EML1: variants seen among roughly 807,000 people sequenced by gnomAD.
EML1 encodes the protein EMAP like 1.
A neutral mutation model predicts 110.4 loss-of-function variants in EML1; 27 were observed. The observed-to-expected ratio is 0.24, with a 90% CI of 0.18 to 0.34. EML1 has a LOEUF of 0.34. Among genes scored for constraint, EML1 ranks in the 10% least tolerant of loss-of-function variants. The probability of loss-of-function intolerance (pLI) is 1.00; values close to 1 mark genes in which losing one functional copy is unlikely to be tolerated. For missense variants in EML1, 741 were observed against 1,030.9 expected (o/e 0.72, Z 3.85); for synonymous variants, 344 against 385.8 (o/e 0.89, Z 1.27).
chr14:99,805,012 C>T (rs928986055), intron 1 of EML1, among the ~76,000 whole-genome samples: 3 of 152,142 alleles, frequency 2.0e-5, no homozygotes, highest in Admixed American at 6.5e-5. Flanking sequence ...ACATGCTGAG[C>T]GCCCTTGCCT....
In EML1 at chr14:99,827,861, C is replaced by T. The variant is rs953822455; in HGVS notation, c.68-22992C>T. Among the ~76,000 whole-genome samples, 5 of 152,098 alleles carry T rather than the reference C, an allele frequency of 3.3e-5. No individual in the cohort carries two copies. The highest frequency in any genetic ancestry group is 3.2e-3 in the Middle Eastern group (1 of 316). On this transcript the variant is annotated intron_variant, in intron 1 of 21. Transcript: ENST00000262233. This position sits in a 1 kb window ranked among gnomAD's most constrained non-coding sequence, Gnocchi z 4.4. ...CATGCCGCTGTAGAGTGTGCAGACCCGCAGGCATGGGTCCCGTGAGCACCC... is the reference window on the plus strand; with the variant it reads ...CATGCCGCTGTAGAGTGTGCAGACCTGCAGGCATGGGTCCCGTGAGCACCC...
chr14:99,899,119 G>A (rs1053804569), intron 8 of EML1, among the ~76,000 whole-genome samples: 3 of 152,094 alleles, frequency 2.0e-5, no homozygotes, highest in Non-Finnish European at 4.4e-5. Flanking sequence ...ATTTTAAGGC[G>A]TTAGAGAGGG....
At chr14:99,752,791 G>A (rs1485218791) in intron 1 of EML1, among the ~76,000 whole-genome samples, 1 of 152,198 alleles carries the variant, frequency 6.6e-6, no homozygotes. Flanking sequence ...CAGTCGGGAG[G>A]AAGCACAGGG....
intron 1 of EML1, among the ~76,000 whole-genome samples, chr14:99,761,822 G>A (rs2057316504): frequency 6.6e-6 from 1 of 151,910 alleles, no homozygotes; most frequent in African/African-American, 2.4e-5. Context: ...CTAATCGGGA[G>A]GCTGAGGAAT....
chr14:99,825,695 C>T (rs866825311), intron 1 of EML1, among the ~76,000 whole-genome samples: 30 of 152,292 alleles, frequency 2.0e-4, no homozygotes, highest in Admixed American at 6.5e-4. Flanking sequence ...CCACACTAAG[C>T]GCTTACTAGG....
intron 5 of EML1, among the ~76,000 whole-genome samples, chr14:99,892,496 A>G (rs2059604872): frequency 6.6e-6 from 1 of 152,126 alleles, no homozygotes. Context: ...TTGACTTGGT[A>G]TCATGCACTG....
At chr14:99,808,678 T>A (rs2058022180) in intron 1 of EML1, among the ~76,000 whole-genome samples, 1 of 152,220 alleles carries the variant, frequency 6.6e-6, no homozygotes, top group Non-Finnish European at 1.5e-5. Flanking sequence ...TTGGAGGGAT[T>A]TGCTGAGAGA....
chr14:99,793,239 C>G, upstream of EML1: 1 of 722,892 alleles, frequency 1.4e-6, no homozygotes, highest in Non-Finnish European at 1.7e-6. Flanking sequence ...ACGTCCCCCT[C>G]CCGGCCCGGG....
chr14:99,842,405 A>G (rs1184688725), intron 1 of EML1, among the ~76,000 whole-genome samples: 1 of 152,256 alleles, frequency 6.6e-6, no homozygotes. Context: ...TGCTGCTGCC[A>G]AGAAGTCTCC....
intron 1 of EML1, among the ~76,000 whole-genome samples, chr14:99,796,186 C>CAGAGAGAGAGAGAGAGAGAGAGAGAG (rs57818494): frequency 8.4e-5 from 10 of 119,298 alleles, no homozygotes; most frequent in East Asian, 2.4e-4. Flanking sequence ...GACCCTGTCT[C>CAGAGAGAGAGAGAGAGAGAGAGAGAG]AGAGAGAGAG....
rs1357824954 is a variant in EML1, at chr14:99,936,828, A to T, written c.2095+494A>T. On this transcript the variant is annotated intron_variant, in intron 19 of 21. Transcript: ENST00000262233. The surrounding 1 kb of genome is among the most constrained non-coding windows in gnomAD (Gnocchi z 5.5). ...CTGGGCCCAGGCAGTGCTTGGGAAC[A>T]GCGAGGATGATCGTGGCGGGCACTT... 3.3e-5 allele frequency among the ~76,000 whole-genome samples: 5 copies of T among 152,154 alleles called. No homozygotes were observed. The highest frequency in any genetic ancestry group is 5.9e-5 in the Non-Finnish European group (4 of 68,014).
intron 3 of EML1, among the ~76,000 whole-genome samples, chr14:99,878,135 G>A (rs1001499033): frequency 2.1e-5 from 3 of 142,214 alleles, no homozygotes; most frequent in African/African-American, 7.5e-5. Context: ...CTTCCAATGT[G>A]GCCCAGGGAA....
At chr14:99,854,011 C>T (rs905698115) in intron 2 of EML1, among the ~76,000 whole-genome samples, 1 of 152,172 alleles carries the variant, frequency 6.6e-6, no homozygotes, top group African/African-American at 2.4e-5. Flanking sequence ...TTTTCCCCCA[C>T]AGTTAGTTTT....
intron 1 of EML1, among the ~76,000 whole-genome samples, chr14:99,782,687 A>T (rs549764327): frequency 6.6e-6 from 1 of 152,242 alleles, no homozygotes; most frequent in Admixed American, 6.5e-5. Flanking sequence ...GAGTCCTGGG[A>T]CCATGGCAAA....
chr14:99,928,501 GGA>G (rs1566943609), intron 17 of EML1, among the ~76,000 whole-genome samples: 1 of 152,032 alleles, frequency 6.6e-6, no homozygotes, highest in African/African-American at 2.4e-5. Context: ...ATGGGTGTTA[GGA>G]GTGCTTGTTG....
At chr14:99,916,043 A>G (rs1158766163) in intron 15 of EML1, among the ~76,000 whole-genome samples, 2 of 152,202 alleles carry the variant, frequency 1.3e-5, no homozygotes, top group Non-Finnish European at 2.9e-5. Context: ...GGCTAAAGGG[A>G]ACAGTGTTAT....
At chr14:99,918,513 G>A (rs1348936431) in intron 16 of EML1, among the ~76,000 whole-genome samples, 7 of 152,172 alleles carry the variant, frequency 4.6e-5, no homozygotes, top group Admixed American at 4.6e-4. Context: ...AAAGTGCTGA[G>A]CATTTAAAAA....
chr14:99,925,255 T>C (rs1233493268), intron 17 of EML1, among the ~76,000 whole-genome samples: 5 of 151,932 alleles, frequency 3.3e-5, no homozygotes, highest in Admixed American at 3.3e-4. Context: ...TTCTTACAAG[T>C]CTATTCAGAT....
At chr14:99,850,270 A>G (rs979801516) in intron 1 of EML1, 2 of 1,286,550 alleles carry the variant, frequency 1.6e-6, no homozygotes, top group Non-Finnish European at 2.0e-6. Context: ...GAGATTGGAG[A>G]GGCGAAGAAG....
Sources: gnomAD v4.1 joint callset for allele counts (sites outside exome capture counted in the v4.1 genomes callset) on GRCh38, gnomAD v4.1.1 for gene constraint, Gnocchi (gnomAD v3.1) non-coding constraint, MANE v1.5 for transcripts, NCBI Gene and HGNC (gene_info 2026-07-23, HGNC 2026-07-21) for gene names.